The following FSTL4 variants were observed in gnomAD, a reference collection of about 807,000 sequenced individuals.
FSTL4 encodes the protein follistatin like 4, also known as follistatin-related protein 4.
Under a neutral mutation model 78.2 loss-of-function variants are expected in FSTL4, and 28 were observed. The ratio of observed to expected loss-of-function variants is 0.36; its 90% CI spans 0.27 to 0.49. The LOEUF (loss-of-function observed/expected upper bound fraction) is 0.49. Among genes scored for constraint, FSTL4 ranks in the 20% least tolerant of loss-of-function variants. The probability of loss-of-function intolerance (pLI) is 0.98; values close to 1 mark genes in which losing one functional copy is unlikely to be tolerated. For missense variants in FSTL4, 922 were observed against 1,084.9 expected, an observed-to-expected ratio of 0.85 and a Z score of 2.11; for synonymous variants, 422 against 440.5, an observed-to-expected ratio of 0.96 and a Z score of 0.53.
At chr5:133,593,144 C>T (rs1245747190) in intron 2 of FSTL4, among the ~76,000 whole-genome samples, 1 of 152,084 alleles carries the variant, frequency 6.6e-6, no homozygotes, top group East Asian at 2.0e-4. Flanking sequence ...ATAGGATAGA[C>T]ACAGTGCTGA....
At chr5:133,477,558 A>C (rs1304115682) in intron 3 of FSTL4, among the ~76,000 whole-genome samples, 1 of 152,228 alleles carries the variant, frequency 6.6e-6, no homozygotes, top group African/African-American at 2.4e-5. Context: ...GGCTTGCCCA[A>C]GGCCACCAGA....
chr5:133,601,958 A>G (rs1200618239), intron 2 of FSTL4, among the ~76,000 whole-genome samples: 1 of 151,866 alleles, frequency 6.6e-6, no homozygotes, highest in African/African-American at 2.4e-5. Flanking sequence ...TGCTTGGATT[A>G]TTAGGTGTGA....
intron 4 of FSTL4, among the ~76,000 whole-genome samples, chr5:133,399,505 T>C (rs994765200): frequency 4.6e-5 from 7 of 152,172 alleles, no homozygotes; most frequent in African/African-American, 1.7e-4. Flanking sequence ...ATTAGGTGGG[T>C]GCAGGTGACA....
chr5:133,455,053 T>C (rs1757458902), intron 3 of FSTL4, among the ~76,000 whole-genome samples: 1 of 152,202 alleles, frequency 6.6e-6, no homozygotes, highest in African/African-American at 2.4e-5. Context: ...GTTGGTTAAA[T>C]GAAGGCATGA....
chr5:133,229,993 C>T (rs1751445669), intron 8 of FSTL4, among the ~76,000 whole-genome samples: 1 of 152,204 alleles, frequency 6.6e-6, no homozygotes, highest in Admixed American at 6.5e-5. Flanking sequence ...GAACAGACTC[C>T]ACCCTCTCAC....
the FSTL4 span, among the ~76,000 whole-genome samples, chr5:133,834,420 G>T: frequency 1.3e-5 from 2 of 151,178 alleles, no homozygotes; most frequent in African/African-American, 4.9e-5. Flanking sequence ...GGTAAGGAAT[G>T]ATATAAATTA....
chr5:133,559,676 C>T (rs771649574), intron 3 of FSTL4, among the ~76,000 whole-genome samples: 17 of 152,196 alleles, frequency 1.1e-4, no homozygotes, highest in Non-Finnish European at 2.4e-4. Context: ...TAGGCAAGCA[C>T]GAGTGATTAG....
chr5:133,810,981 T>C, the FSTL4 span, among the ~76,000 whole-genome samples: 1 of 152,208 alleles, frequency 6.6e-6, no homozygotes, highest in African/African-American at 2.4e-5. Context: ...GAAAATTATT[T>C]GGGGGCTGCT....
intron 6 of FSTL4, among the ~76,000 whole-genome samples, chr5:133,297,720 G>A (rs1753432766): frequency 6.6e-6 from 1 of 152,308 alleles, no homozygotes; most frequent in South Asian, 2.1e-4. Flanking sequence ...ATCTAGAGTG[G>A]GCATATGAAG....
intron 6 of FSTL4, among the ~76,000 whole-genome samples, chr5:133,302,755 T>C (rs573654653): frequency 6.6e-6 from 1 of 152,346 alleles, no homozygotes; most frequent in Admixed American, 6.5e-5. Context: ...ACCCGGCGCA[T>C]GCCACACGTG....
chr5:133,603,673 G>A (rs140533513), intron 2 of FSTL4, among the ~76,000 whole-genome samples, 185 bp downstream of exon 2: 75 of 152,282 alleles, frequency 4.9e-4, no homozygotes, highest in Non-Finnish European at 9.0e-4. Context: ...TACTCACATC[G>A]TGTTATCAAC....
At chr5:133,296,429 C>T (rs1753397247) in intron 6 of FSTL4, among the ~76,000 whole-genome samples, 1 of 152,226 alleles carries the variant, frequency 6.6e-6, no homozygotes, top group African/African-American at 2.4e-5. Flanking sequence ...TTGAAGCCCT[C>T]CAATAATCTA....
the FSTL4 span, among the ~76,000 whole-genome samples, chr5:133,805,496 C>G: frequency 1.3e-5 from 2 of 152,310 alleles, no homozygotes; most frequent in East Asian, 3.9e-4. Context: ...CTATCGTATC[C>G]AGAGTGGTGA....
At chr5:133,431,818 C>T (rs547924016) in intron 3 of FSTL4, among the ~76,000 whole-genome samples, 1 of 152,250 alleles carries the variant, frequency 6.6e-6, no homozygotes, top group East Asian at 1.9e-4. Context: ...AACGCATTGG[C>T]CACCTGGGTC....
the FSTL4 span, among the ~76,000 whole-genome samples, chr5:133,668,287 G>A: frequency 6.6e-6 from 1 of 152,148 alleles, no homozygotes. Flanking sequence ...AGAGCTTCAG[G>A]GGTCAGGGGG....
At chr5:133,379,145 C>T (rs1403546476) in intron 4 of FSTL4, among the ~76,000 whole-genome samples, 3 of 151,948 alleles carry the variant, frequency 2.0e-5, no homozygotes, top group African/African-American at 2.4e-5. Flanking sequence ...TAAAACAATG[C>T]TACTGGAGAT....
At chr5:133,322,334 C>T (rs1239586252) in intron 4 of FSTL4, among the ~76,000 whole-genome samples, 19 of 147,856 alleles carry the variant, frequency 1.3e-4, no homozygotes, top group East Asian at 4.0e-4. Context: ...CACACCCACA[C>T]GGGACTGCCT....
At chr5:133,247,539 C>T (rs1752077836) in intron 7 of FSTL4, 1 of 152,246 alleles carries the variant, frequency 6.6e-6, no homozygotes, top group Non-Finnish European at 1.5e-5. Flanking sequence ...GGCACTGCAC[C>T]TTGTGAGCAG....
chr5:133,600,518 C>T (rs1330622475), intron 2 of FSTL4, among the ~76,000 whole-genome samples: 2 of 152,110 alleles, frequency 1.3e-5, no homozygotes, highest in African/African-American at 2.4e-5. Context: ...TTCTAGGGCA[C>T]GTTCTGCCAC....
Sources: gnomAD v4.1 joint callset for allele counts (sites outside exome capture counted in the v4.1 genomes callset) on GRCh38, gnomAD v4.1.1 for gene constraint, MANE v1.5 for transcripts, NCBI Gene and HGNC (gene_info 2026-07-23, HGNC 2026-07-21) for gene names.